The following VWA3B variants were observed in gnomAD, a reference collection of about 807,000 sequenced individuals.
VWA3B encodes von Willebrand factor A domain-containing protein 3B.
VWA3B carries 138 observed loss-of-function variants against 158.3 expected under a neutral mutation model. That is an observed-to-expected ratio of 0.87 (90% CI 0.76 to 1.00). VWA3B has a LOEUF of 1.00. Among genes scored for constraint, VWA3B ranks in the 50% least tolerant of loss-of-function variants. The pLI is 0.00. For missense variants in VWA3B, 1,555 were observed against 1,565.1 expected (o/e 0.99, Z 0.11); for synonymous variants, 596 against 587.3 (o/e 1.01, Z -0.21).
intron 19 of VWA3B, among the ~76,000 whole-genome samples, chr2:98,248,044 A>C (rs772401938): frequency 5.9e-5 from 9 of 152,026 alleles, no homozygotes; most frequent in Non-Finnish European, 1.3e-4. Flanking sequence ...CCTAGAATTT[A>C]TTCTATTAAG....
intron 7 of VWA3B, among the ~76,000 whole-genome samples, chr2:98,147,370 A>G (rs1322901690): frequency 6.6e-6 from 1 of 152,160 alleles, no homozygotes; most frequent in African/African-American, 2.4e-5. Context: ...AAGAGAGGAA[A>G]AGAAACATTC....
chr2:98,100,832 C>T (rs369232614), intron 2 of VWA3B, among the ~76,000 whole-genome samples: 1 of 152,068 alleles, frequency 6.6e-6, no homozygotes, highest in South Asian at 2.1e-4. Context: ...TAAAACTATC[C>T]TTTATACCCT....
Position 98,225,923 on chromosome 2 carries a change from G to GATATCA in VWA3B, c.2020-2277_2020-2272dup, listed in dbSNP as rs1212202236. 2.6e-5 allele frequency among the ~76,000 whole-genome samples: 4 copies of GATATCA among 152,176 alleles called. No homozygotes were observed. In the East Asian group the frequency reaches 7.7e-4, roughly 29 times the overall value. The stretch of plus-strand genomic sequence containing the variant: ...ATGTTGAAAATTACAAAATGCTGAA[G>GATATCA]ATATCAAAGAAGATCTAAATAAATG... On this transcript the variant is annotated intron_variant, in intron 14 of 27. Coordinates refer to ENST00000477737, the MANE Select transcript of VWA3B (RefSeq NM_144992.5).
At chr2:98,225,310 T>G (rs564352016) in intron 14 of VWA3B, among the ~76,000 whole-genome samples, 2 of 152,196 alleles carry the variant, frequency 1.3e-5, no homozygotes, top group Non-Finnish European at 2.9e-5. Flanking sequence ...CATTAGAAAA[T>G]CTATTAGTAT....
chr2:98,308,104 C>CT (rs537919052), intron 26 of VWA3B, among the ~76,000 whole-genome samples: 2 of 152,256 alleles, frequency 1.3e-5, no homozygotes, highest in East Asian at 3.9e-4. Context: ...TTCTTAAAGA[C>CT]TTTTTTTAAA....
chr2:98,143,162 C>G (rs1676912867), intron 7 of VWA3B, among the ~76,000 whole-genome samples: 1 of 152,126 alleles, frequency 6.6e-6, no homozygotes, highest in African/African-American at 2.4e-5. Context: ...GCCTCAGTCT[C>G]CTCAGTAGCT....
rs552881843 is a variant in VWA3B at position 98,253,792 on chromosome 2, C to T, written c.2793-2332C>T. On this transcript the variant is annotated intron_variant, in intron 20 of 27. Coordinates refer to ENST00000477737, the MANE Select transcript of VWA3B (RefSeq NM_144992.5). ...CAATCCCTTAGCCAAATTTCTCTCT[C>T]CTACAAAAAACAATGAGGGAAACTT... Among the ~76,000 whole-genome samples the T allele has an allele frequency of 9.9e-5, 15 of 152,218 alleles. No individual in the cohort carries two copies. The South Asian group carries it at 1.7e-3, about 17-fold the overall frequency.
At chr2:98,308,759 T>C (rs1365136593) in intron 26 of VWA3B, among the ~76,000 whole-genome samples, 1 of 152,216 alleles carries the variant, frequency 6.6e-6, no homozygotes, top group Non-Finnish European at 1.5e-5. Flanking sequence ...CCGCCTGAAC[T>C]GAATACACAC....
chr2:98,145,993 T>G (rs1026916845), intron 7 of VWA3B, among the ~76,000 whole-genome samples: 1 of 152,112 alleles, frequency 6.6e-6, no homozygotes, highest in African/African-American at 2.4e-5. Flanking sequence ...CCTTGGCCTC[T>G]CAAACTGCTG....
chr2:98,197,380 A>AT (rs1028208919), intron 12 of VWA3B, among the ~76,000 whole-genome samples: 6 of 152,168 alleles, frequency 3.9e-5, no homozygotes, highest in South Asian at 2.1e-4. Flanking sequence ...AAAAGTTACC[A>AT]TTTTTTTCCC....
chr2:98,095,932 G>T (rs1173664239), intron 2 of VWA3B, among the ~76,000 whole-genome samples: 1 of 152,116 alleles, frequency 6.6e-6, no homozygotes, highest in African/African-American at 2.4e-5. Context: ...TTACTGATTT[G>T]CATATGTTGA....
At chr2:98,243,059 C>A (rs1340345537) in intron 19 of VWA3B, among the ~76,000 whole-genome samples, 1 of 152,006 alleles carries the variant, frequency 6.6e-6, no homozygotes, top group East Asian at 1.9e-4. Context: ...CTCATCATCT[C>A]ATGGTTATCT....
intron 12 of VWA3B, 41 bp from the exon 13 acceptor site, chr2:98,211,889 T>C: frequency 6.5e-7 from 1 of 1,542,976 alleles, no homozygotes; most frequent in Middle Eastern, 1.7e-4. Context: ...GAATTCTTTT[T>C]TGGGATTCAA....
intron 9 of VWA3B, among the ~76,000 whole-genome samples, chr2:98,186,699 T>C (rs1390496956): frequency 1.3e-5 from 2 of 152,082 alleles, no homozygotes; most frequent in Non-Finnish European, 2.9e-5. Flanking sequence ...CTTCTTACCA[T>C]GGTCTTGGCT....
Position 98,312,223 on chromosome 2 carries a change from G to A in VWA3B, c.3759G>A (p.Ala1253=). 1.9e-6 allele frequency: 3 copies of A among 1,614,044 alleles called. No homozygotes were observed. The highest frequency in any genetic ancestry group is 2.2e-5 in the East Asian group (1 of 44,886). ...EPRTAHLHFP[A]AGRLGLSSHA... ...AGACAGCCCACCTCCACTTCCCCGC[G>A]GCCGGGCGTCTAGGACTCAGCAGCC... is the stretch of plus-strand genomic sequence containing the variant. Residue 1253 remains alanine (A), a synonymous_variant, in exon 28 of 28, where the codon GCG becomes GCA. Coordinates refer to ENST00000477737, the MANE Select transcript of VWA3B (RefSeq NM_144992.5).
intron 12 of VWA3B, among the ~76,000 whole-genome samples, chr2:98,203,639 T>C (rs2105489815): frequency 6.6e-6 from 1 of 152,370 alleles, no homozygotes; most frequent in East Asian, 1.9e-4. Context: ...GCAGCTCTTG[T>C]ACCTGTTTAA....
intron 12 of VWA3B, among the ~76,000 whole-genome samples, chr2:98,210,126 A>G (rs1386127491): frequency 6.6e-6 from 1 of 152,200 alleles, no homozygotes; most frequent in Non-Finnish European, 1.5e-5. Context: ...TTGTTGTTTT[A>G]TGATTAACAT....
chr2:98,110,846 C>G (rs1674082111), intron 2 of VWA3B, among the ~76,000 whole-genome samples: 1 of 152,196 alleles, frequency 6.6e-6, no homozygotes, highest in South Asian at 2.1e-4. Context: ...GAAGGCAGGT[C>G]TTTCTCTTGC....
chr2:98,154,615 C>A (rs1339761039), intron 7 of VWA3B, among the ~76,000 whole-genome samples: 1 of 152,158 alleles, frequency 6.6e-6, no homozygotes, highest in African/African-American at 2.4e-5. Flanking sequence ...TGACACTGGG[C>A]AGGGGTGGGC....
Sources: gnomAD v4.1 joint callset for allele counts (sites outside exome capture counted in the v4.1 genomes callset) on GRCh38, gnomAD v4.1.1 for gene constraint, MANE v1.5 for transcripts, NCBI Gene and HGNC (gene_info 2026-07-23, HGNC 2026-07-21) for gene names.